Variants in PRKN observed in about 807,000 individuals in gnomAD.
PRKN encodes the protein parkin RBR E3 ubiquitin protein ligase.
PRKN carries 56 observed loss-of-function variants against 59.5 expected under a neutral mutation model. That is an observed-to-expected ratio of 0.94 (90% confidence interval 0.76 to 1.18). The LOEUF (loss-of-function observed/expected upper bound fraction) is 1.18. Ranked by LOEUF, PRKN falls within the 50% of genes most tolerant of loss-of-function variation. PRKN has a pLI of 0.00. For missense variants in PRKN, 657 were observed against 596.4 expected (o/e 1.10, Z -1.06); for synonymous variants, 250 against 222.1 (o/e 1.13, Z -1.12).
chr6:162,083,106 C>A (rs1465889906), intron 4 of PRKN, among the ~76,000 whole-genome samples: 6 of 151,996 alleles, frequency 3.9e-5, no homozygotes, highest in Non-Finnish European at 8.8e-5. Context: ...AGGTGCCTGC[C>A]AACACGCCCA....
intron 7 of PRKN, among the ~76,000 whole-genome samples, chr6:161,685,150 A>T (rs1785507278): frequency 6.6e-6 from 1 of 152,192 alleles, no homozygotes; most frequent in Non-Finnish European, 1.5e-5. Flanking sequence ...AAGGCTTTAA[A>T]TTTTGACAGG....
chr6:162,277,761 G>C (rs1008653270), intron 2 of PRKN, among the ~76,000 whole-genome samples: 2 of 152,090 alleles, frequency 1.3e-5, no homozygotes, highest in South Asian at 4.1e-4. Context: ...ATAAATCCCA[G>C]AACAAAGGCA....
intron 9 of PRKN, among the ~76,000 whole-genome samples, chr6:161,433,432 A>C (rs1410853840): frequency 6.6e-6 from 1 of 152,226 alleles, no homozygotes; most frequent in Non-Finnish European, 1.5e-5. Context: ...AAAAAATGTT[A>C]ACCTCAGAAC....
chr6:162,424,473 C>G (rs563618866), intron 2 of PRKN, among the ~76,000 whole-genome samples: 3 of 152,022 alleles, frequency 2.0e-5, no homozygotes, highest in Non-Finnish European at 2.9e-5. Flanking sequence ...TGGTGGCTCA[C>G]GCTTGTAATC....
At chr6:162,368,818 CA>C (rs1464412332) in intron 2 of PRKN, among the ~76,000 whole-genome samples, 2 of 152,182 alleles carry the variant, frequency 1.3e-5, no homozygotes. Flanking sequence ...TGCCAACAAC[CA>C]AGTGTTTTTT....
intron 5 of PRKN, among the ~76,000 whole-genome samples, chr6:161,988,764 G>T (rs1781534558): frequency 6.6e-6 from 1 of 152,020 alleles, no homozygotes; most frequent in Non-Finnish European, 1.5e-5. Flanking sequence ...AAAAAAAATT[G>T]CAGAAAAGAT....
chr6:162,087,819 C>T lies in PRKN; in HGVS notation c.535-33645G>A, dbSNP rs545908420. On this transcript the variant is annotated intron_variant, in intron 4 of 11. Coordinates refer to ENST00000366898, the MANE Select transcript of PRKN (RefSeq NM_004562.3). ...ATGTTGGTCAGGCTGGTCTCGATCTCGTGACCTCGTGATCCACCCGCCTCA... is the reference window on the plus strand; with the variant it reads ...ATGTTGGTCAGGCTGGTCTCGATCTTGTGACCTCGTGATCCACCCGCCTCA... 3.1e-3 allele frequency among the ~76,000 whole-genome samples: 468 copies of T among 152,174 alleles called. 2 individuals carry two copies. The highest frequency in any genetic ancestry group is 0.011 in the African/African-American group (438 of 41,516).
intron 4 of PRKN, among the ~76,000 whole-genome samples, chr6:162,186,031 C>T (rs998453731): frequency 1.3e-5 from 2 of 151,872 alleles, no homozygotes; most frequent in South Asian, 4.2e-4. Context: ...TGGTAATTCT[C>T]TTATTCTCTG....
chr6:161,820,608 TAATATACAGTATAC>T (rs1282568621), intron 6 of PRKN, among the ~76,000 whole-genome samples: 1 of 147,750 alleles, frequency 6.8e-6, no homozygotes, highest in African/African-American at 2.4e-5. Flanking sequence ...TATAATTACA[TAATATACAGTATAC>T]AATATGCAAA....
intron 7 of PRKN, among the ~76,000 whole-genome samples, chr6:161,620,815 T>C (rs1481139461): frequency 1.3e-5 from 2 of 152,228 alleles, no homozygotes; most frequent in Admixed American, 6.5e-5. Flanking sequence ...TGGCAAGCAC[T>C]GGGCCAGAGA....
intron 6 of PRKN, among the ~76,000 whole-genome samples, chr6:161,916,963 G>A (rs768869461): frequency 3.8e-4 from 57 of 151,906 alleles, no homozygotes; most frequent in African/African-American, 1.4e-3. Flanking sequence ...CACCATGCCC[G>A]GCTAAATGTT....
chr6:162,365,271 G>T (rs569390786), intron 2 of PRKN, among the ~76,000 whole-genome samples: 3 of 152,058 alleles, frequency 2.0e-5, no homozygotes, highest in Non-Finnish European at 4.4e-5. Context: ...GTTCTGTAAT[G>T]TGCTTTTTCA....
intron 2 of PRKN, among the ~76,000 whole-genome samples, chr6:162,384,520 A>G (rs145302752): frequency 9.9e-5 from 15 of 152,264 alleles, no homozygotes; most frequent in African/African-American, 3.6e-4. Flanking sequence ...CAAAGCAGAT[A>G]AAGTGATAAA....
intron 9 of PRKN, among the ~76,000 whole-genome samples, chr6:161,398,361 C>A (rs1485617054): frequency 6.6e-6 from 1 of 152,076 alleles, no homozygotes; most frequent in Non-Finnish European, 1.5e-5. Flanking sequence ...CTAGTTAGTT[C>A]CCTAGAATGT....
chr6:162,320,461 A>C (rs1583373482), intron 2 of PRKN, among the ~76,000 whole-genome samples: 1 of 113,480 alleles, frequency 8.8e-6, no homozygotes, highest in South Asian at 2.7e-4. Context: ...ATACTTCACC[A>C]AAAAAAAAAA....
intron 3 of PRKN, among the ~76,000 whole-genome samples, chr6:162,230,228 T>C (rs1437876980): frequency 1.3e-5 from 2 of 152,254 alleles, no homozygotes; most frequent in African/African-American, 4.8e-5. Flanking sequence ...TTGGCCTATA[T>C]GGAGCCAGTG....
intron 7 of PRKN, among the ~76,000 whole-genome samples, chr6:161,763,821 G>A (rs1182614836): frequency 6.6e-6 from 1 of 152,036 alleles, no homozygotes; most frequent in Non-Finnish European, 1.5e-5. Context: ...GAGCTGAATC[G>A]AGAAACCTAA....
chr6:162,116,921 A>T (rs1780699711), intron 4 of PRKN, among the ~76,000 whole-genome samples: 1 of 152,210 alleles, frequency 6.6e-6, no homozygotes. Context: ...TAGTCTGCTT[A>T]TATTGCAGAG....
At chr6:162,249,114 G>T (rs980336161) in intron 3 of PRKN, among the ~76,000 whole-genome samples, 1 of 152,088 alleles carries the variant, frequency 6.6e-6, no homozygotes, top group Non-Finnish European at 1.5e-5. Flanking sequence ...TCTTGACCTC[G>T]TGATCAGCCC....
Sources: gnomAD v4.1 joint callset for allele counts (sites outside exome capture counted in the v4.1 genomes callset) on GRCh38, gnomAD v4.1.1 for gene constraint, MANE v1.5 for transcripts, NCBI Gene and HGNC (gene_info 2026-07-23, HGNC 2026-07-21) for gene names.